The following BCL2L2 variants were observed in gnomAD, a reference collection of about 807,000 sequenced individuals.
BCL2L2 encodes bcl-2-like protein 2.
A neutral mutation model predicts 14.6 loss-of-function variants in BCL2L2; 6 were observed. The observed-to-expected ratio is 0.41, with a 90% CI of 0.22 to 0.81. BCL2L2 has a LOEUF of 0.81. BCL2L2 is among the 30% of genes least tolerant of loss of function. The pLI is 0.32. For missense variants in BCL2L2, 191 were observed against 260.5 expected (o/e 0.73, Z 1.84); for synonymous variants, 90 against 108.5 (o/e 0.83, Z 1.06).
chr14:23,311,498 C>T lies in BCL2L2; in HGVS notation c.*2533C>T, dbSNP rs1050241548. The T allele has an allele frequency of 6.0e-6, 6 of 1,004,420 alleles. No homozygotes were observed. In the South Asian group the frequency reaches 1.3e-4, roughly 21 times the overall value. 62.2% of individuals were successfully genotyped at this position (1,004,420 alleles called of 1,614,324 possible). A position where few individuals can be genotyped will look rare whatever the true frequency, so the allele number is the denominator to read the frequency against. ...AGGAAGGAGCGGAAGTAGGGCAACT[C>T]GGTCCTGCGATTATTAATCCCACTC... is the stretch of plus-strand genomic sequence containing the variant. On this transcript the variant is annotated 3_prime_UTR_variant, in exon 4 of 4. Coordinates refer to ENST00000250405, the MANE Select transcript of BCL2L2 (RefSeq NM_004050.5).
chr14:23,310,219 AG>A lies in BCL2L2; in HGVS notation c.*1256del. On this transcript the variant is annotated 3_prime_UTR_variant, in exon 4 of 4. Transcript: ENST00000250405. The stretch of plus-strand genomic sequence containing the variant: ...TTACTTGTCTGTACCTCAGAGTCTG[AG>A]GATGTTAACTTTGGAACTCGCAGTC... The A allele has an allele frequency of 1.0e-6, 1 of 985,912 alleles. No individual in the cohort carries two copies. Among genetic ancestry groups the A allele is most frequent in the Non-Finnish European group, 1.2e-6 (1 of 829,990 alleles). 61.1% of individuals were successfully genotyped at this position (985,912 alleles called of 1,614,324 possible).
chr14:23,309,829 C>T lies in BCL2L2; in HGVS notation c.*864C>T, dbSNP rs1025535169. 3 of 985,374 alleles carry T rather than the reference C, an allele frequency of 3.0e-6. No individual in the cohort carries two copies. The Admixed American group carries it at 1.8e-4, about 61-fold the overall frequency. The allele number at this position is 985,374 out of a possible 1,614,324, so 61.0% of individuals were successfully genotyped here. A position where few individuals can be genotyped will look rare whatever the true frequency, so the allele number is the denominator to read the frequency against. ...TAGGTAGCCGGACCTGCCTGCCACC[C>T]TCCTCTCCCACTCAGGCACAATGGT... On this transcript the variant is annotated 3_prime_UTR_variant, in exon 4 of 4. Coordinates refer to ENST00000250405, the MANE Select transcript of BCL2L2 (RefSeq NM_004050.5).
In BCL2L2 at chr14:23,311,042, T is replaced by G. The variant is rs1196177621; in HGVS notation, c.*2077T>G. On this transcript the variant is annotated 3_prime_UTR_variant, in exon 4 of 4. Coordinates refer to ENST00000250405, the MANE Select transcript of BCL2L2 (RefSeq NM_004050.5). ...ATCCCTGTTAGCATTCCCCGGGACCTTTAGCCAAGAGGAGCTGCAGGGACC... is the reference window on the plus strand; with the variant it reads ...ATCCCTGTTAGCATTCCCCGGGACCGTTAGCCAAGAGGAGCTGCAGGGACC... 7.8e-7 allele frequency: 1 copy of G among 1,289,482 alleles called. No homozygotes were observed. The allele number at this position is 1,289,482 out of a possible 1,614,324, so 79.9% of individuals were successfully genotyped here.
In BCL2L2 at chr14:23,311,465, T is replaced by G; in HGVS notation, c.*2500T>G. 9.7e-7 allele frequency: 1 copy of G among 1,034,272 alleles called. No homozygotes were observed. The highest frequency in any genetic ancestry group is 3.4e-5 in the South Asian group (1 of 29,258). The allele number at this position is 1,034,272 out of a possible 1,614,324, so 64.1% of individuals were successfully genotyped here. On this transcript the variant is annotated 3_prime_UTR_variant, in exon 4 of 4. Transcript: ENST00000250405. ...CCAAAGGGACAAATAGGGACTTTGTTTAGGCCAAGGAAGGAGCGGAAGTAG... is the reference window on the plus strand; with the variant it reads ...CCAAAGGGACAAATAGGGACTTTGTGTAGGCCAAGGAAGGAGCGGAAGTAG...
Position 23,307,939 on chromosome 14 carries a change from C to T in BCL2L2, c.172C>T (p.Arg58Trp), listed in dbSNP as rs772303364. Residue 58 changes from arginine (R) to tryptophan (W), a missense_variant, in exon 3 of 4, where the codon CGG becomes TGG. By Grantham distance (101) the Arg-to-Trp change is moderately radical (BLOSUM62 -3). Transcript: ENST00000250405. The part of the protein sequence containing the change: ...AAGDEFETRF[R>W]RTFSDLAAQL... ...TGGAGATGAGTTCGAGACCCGCTTC[C>T]GGCGCACCTTCTCTGATCTGGCGGC... The T allele has an allele frequency of 4.3e-6, 7 of 1,613,768 alleles. No homozygotes were observed. The highest frequency in any genetic ancestry group is 1.3e-5 in the African/African-American group (1 of 74,916).
Position 23,308,010 on chromosome 14 carries a change from G to A in BCL2L2, c.243G>A (p.Gln81=), listed in dbSNP as rs1231284742. The part of the protein sequence containing the change: ...TPGSAQQRFT[Q]VSDELFQGGP... Reference sequence around the variant, plus strand: ...GCTCAGCCCAACAACGCTTCACCCAGGTCTCCGATGAACTTTTTCAAGGGG... The same window carrying A: ...GCTCAGCCCAACAACGCTTCACCCAAGTCTCCGATGAACTTTTTCAAGGGG... Residue 81 remains glutamine (Q), a synonymous_variant, in exon 3 of 4, where the codon CAG becomes CAA. Coordinates refer to ENST00000250405, the MANE Select transcript of BCL2L2 (RefSeq NM_004050.5). The surrounding 1 kb of genome is among the most constrained non-coding windows in gnomAD (Gnocchi z 5.4). 5.0e-6 allele frequency: 8 copies of A among 1,614,164 alleles called. No individual in the cohort carries two copies. The highest frequency in any genetic ancestry group is 6.8e-6 in the Non-Finnish European group (8 of 1,180,040).
rs1306863463 is a variant in BCL2L2, at chr14:23,310,797, G to A, written c.*1832G>A. ...CTTGGGGAGATGAAGGGGGTGGGGA[G>A]CTGAGCAGGCTGGGCAATTTGCCCT... On this transcript the variant is annotated 3_prime_UTR_variant, in exon 4 of 4. Transcript: ENST00000250405. 8.3e-7 allele frequency: 1 copy of A among 1,197,686 alleles called. No homozygotes were observed. 74.2% of individuals were successfully genotyped at this position (1,197,686 alleles called of 1,614,324 possible).
Position 23,309,193 on chromosome 14 carries a change from A to C in BCL2L2, c.*228A>C. On this transcript the variant is annotated 3_prime_UTR_variant, in exon 4 of 4. Coordinates refer to ENST00000250405, the MANE Select transcript of BCL2L2 (RefSeq NM_004050.5). ...TTTGGCAAGTTTAGGGGCACAGGAG[A>C]TGTAGTCGTTCCAGGGCTGGGGGAG... 1.3e-6 allele frequency: 1 copy of C among 777,958 alleles called. No homozygotes were observed. Among genetic ancestry groups the C allele is most frequent in the Non-Finnish European group, 1.6e-6 (1 of 644,446 alleles). The allele number at this position is 777,958 out of a possible 1,614,324, so 48.2% of individuals were successfully genotyped here.
chr14:23,308,300 G>T lies in BCL2L2; in HGVS notation c.432+101G>T, dbSNP rs1057070235. 2.4e-5 allele frequency: 35 copies of T among 1,437,884 alleles called. No individual in the cohort carries two copies. The highest frequency in any genetic ancestry group is 3.2e-5 in the Non-Finnish European group (35 of 1,095,172). 89.1% of individuals were successfully genotyped at this position (1,437,884 alleles called of 1,614,324 possible). A position where few individuals can be genotyped will look rare whatever the true frequency, so the allele number is the denominator to read the frequency against. ...TTGGAGGCTGAGGCAGCTATGTTGG[G>T]AATGAGGTACGGGGCTGAGTCTCCC... On this transcript the variant is annotated intron_variant, in intron 3 of 3. Transcript: ENST00000250405. This position sits in a 1 kb window ranked among gnomAD's most constrained non-coding sequence, Gnocchi z 5.4.
chr14:23,311,102 CT>C lies in BCL2L2; in HGVS notation c.*2139del, dbSNP rs1435478523. 3.1e-6 allele frequency: 4 copies of C among 1,289,056 alleles called. No individual in the cohort carries two copies. The highest frequency in any genetic ancestry group is 1.0e-6 in the Non-Finnish European group (1 of 988,660). The allele number at this position is 1,289,056 out of a possible 1,614,324, so 79.9% of individuals were successfully genotyped here. A position where few individuals can be genotyped will look rare whatever the true frequency, so the allele number is the denominator to read the frequency against. On this transcript the variant is annotated 3_prime_UTR_variant, in exon 4 of 4. Coordinates refer to ENST00000250405, the MANE Select transcript of BCL2L2 (RefSeq NM_004050.5). ...TTACCAAAATGCCCTGCTCTGAAGC[CT>C]TGACACCTGGGTGGAAAGAGAGGCT...
chr14:23,310,799 TG>T lies in BCL2L2; in HGVS notation c.*1835del. On this transcript the variant is annotated 3_prime_UTR_variant, in exon 4 of 4. Coordinates refer to ENST00000250405, the MANE Select transcript of BCL2L2 (RefSeq NM_004050.5). ...TGGGGAGATGAAGGGGGTGGGGAGC[TG>T]AGCAGGCTGGGCAATTTGCCCTCAA... 8.3e-7 allele frequency: 1 copy of T among 1,199,206 alleles called. No homozygotes were observed. The highest frequency in any genetic ancestry group is 1.6e-5 in the African/African-American group (1 of 62,968). The allele number at this position is 1,199,206 out of a possible 1,614,324, so 74.3% of individuals were successfully genotyped here. A position where few individuals can be genotyped will look rare whatever the true frequency, so the allele number is the denominator to read the frequency against.
chr14:23,311,321 G>C lies in BCL2L2; in HGVS notation c.*2356G>C. 1.8e-6 allele frequency: 2 copies of C among 1,097,716 alleles called. No homozygotes were observed. Among genetic ancestry groups the C allele is most frequent in the Non-Finnish European group, 2.2e-6 (2 of 897,172 alleles). The allele number at this position is 1,097,716 out of a possible 1,614,324, so 68.0% of individuals were successfully genotyped here. A position where few individuals can be genotyped will look rare whatever the true frequency, so the allele number is the denominator to read the frequency against. On this transcript the variant is annotated 3_prime_UTR_variant, in exon 4 of 4. Coordinates refer to ENST00000250405, the MANE Select transcript of BCL2L2 (RefSeq NM_004050.5). ...TTGGGATTAGCTCTTGGCCAAGAAG[G>C]CTGAGTATGGTTCCCAATTTTTAAA... is the stretch of plus-strand genomic sequence containing the variant.
Position 23,309,093 on chromosome 14 carries a change from G to T in BCL2L2, c.*128G>T. On this transcript the variant is annotated 3_prime_UTR_variant, in exon 4 of 4. Coordinates refer to ENST00000250405, the MANE Select transcript of BCL2L2 (RefSeq NM_004050.5). The stretch of plus-strand genomic sequence containing the variant: ...ATGGAACAGGATGGGCAGAGAAAGG[G>T]TAGTGTGTGAGGGAGCTGAGTAGGC... 4.0e-6 allele frequency: 5 copies of T among 1,256,418 alleles called. No homozygotes were observed. The highest frequency in any genetic ancestry group is 5.0e-6 in the Non-Finnish European group (5 of 993,674). 77.8% of individuals were successfully genotyped at this position (1,256,418 alleles called of 1,614,324 possible).
Position 23,307,744 on chromosome 14 carries a change from T to A in BCL2L2, c.-8-16T>A. ...TTCATATATTCATGCCAGTCTTTCA[T>A]CCTTGCCTCTTATAGCCGCCCGGAT... On this transcript the variant is annotated splice_polypyrimidine_tract_variant and intron_variant, in intron 2 of 3. Transcript: ENST00000250405. 6.6e-7 allele frequency: 1 copy of A among 1,518,048 alleles called. No homozygotes were observed. 94.0% of individuals were successfully genotyped at this position (1,518,048 alleles called of 1,614,324 possible).
Position 23,308,682 on chromosome 14 carries a change from C to A in BCL2L2, c.433-134C>A. Reference sequence around the variant, plus strand: ...GGCTTGCAGGGAGAAGAGCTTTGGCCAGAGAGGAGCTGGGTATGGGGTAGT... The same window carrying A: ...GGCTTGCAGGGAGAAGAGCTTTGGCAAGAGAGGAGCTGGGTATGGGGTAGT... On this transcript the variant is annotated intron_variant, in intron 3 of 3. Coordinates refer to ENST00000250405, the MANE Select transcript of BCL2L2 (RefSeq NM_004050.5). This position sits in a 1 kb window ranked among gnomAD's most constrained non-coding sequence, Gnocchi z 5.4. The A allele has an allele frequency of 1.4e-6, 1 of 711,330 alleles. No homozygotes were observed. The allele number at this position is 711,330 out of a possible 1,614,324, so 44.1% of individuals were successfully genotyped here.
Position 23,307,934 on chromosome 14 carries a change from G to A in BCL2L2, c.167G>A (p.Arg56His), listed in dbSNP as rs746136637. The A allele has an allele frequency of 2.5e-6, 4 of 1,613,836 alleles. No individual in the cohort carries two copies. The highest frequency in any genetic ancestry group is 1.1e-5 in the South Asian group (1 of 91,076). Reference sequence around the variant, plus strand: ...GCAGCTGGAGATGAGTTCGAGACCCGCTTCCGGCGCACCTTCTCTGATCTG... The same window carrying A: ...GCAGCTGGAGATGAGTTCGAGACCCACTTCCGGCGCACCTTCTCTGATCTG... Reference protein sequence around the residue: ...MRAAGDEFETRFRRTFSDLAA... With the variant: ...MRAAGDEFETHFRRTFSDLAA... The change falls in exon 3 of 4, where the codon CGC becomes CAC. Residue 56 changes from arginine (R) to histidine (H), a missense_variant. Transcript: ENST00000250405.
rs1887361932 is a variant in BCL2L2, at chr14:23,308,060, C to G, written c.293C>G (p.Ala98Gly). The change falls in exon 3 of 4, where the codon GCC becomes GGC. Residue 98 changes from alanine (A) to glycine (G), a missense_variant. Coordinates refer to ENST00000250405, the MANE Select transcript of BCL2L2 (RefSeq NM_004050.5). This position sits in a 1 kb window ranked among gnomAD's most constrained non-coding sequence, Gnocchi z 5.4. Reference protein sequence around the residue: ...QGGPNWGRLVAFFVFGAALCA... With the variant: ...QGGPNWGRLVGFFVFGAALCA... ...GGCCCCAACTGGGGCCGCCTTGTAG[C>G]CTTCTTTGTCTTTGGGGCTGCACTG... The G allele has an allele frequency of 1.9e-6, 3 of 1,614,042 alleles. No individual in the cohort carries two copies. Among genetic ancestry groups the G allele is most frequent in the Non-Finnish European group, 2.5e-6 (3 of 1,180,036 alleles).
In BCL2L2 at chr14:23,309,319, T is replaced by G; in HGVS notation, c.*354T>G. ...ACTTACATAAGCAGCTGTATTCCAT[T>G]AGATGAGTGGGATTTAGGGAACGCA... On this transcript the variant is annotated 3_prime_UTR_variant, in exon 4 of 4. Transcript: ENST00000250405. 9.4e-7 allele frequency: 1 copy of G among 1,062,308 alleles called. No individual in the cohort carries two copies. Among genetic ancestry groups the G allele is most frequent in the Non-Finnish European group, 1.1e-6 (1 of 879,862 alleles). The allele number at this position is 1,062,308 out of a possible 1,614,324, so 65.8% of individuals were successfully genotyped here. A position where few individuals can be genotyped will look rare whatever the true frequency, so the allele number is the denominator to read the frequency against.
chr14:23,311,192 G>C lies in BCL2L2; in HGVS notation c.*2227G>C. On this transcript the variant is annotated 3_prime_UTR_variant, in exon 4 of 4. Transcript: ENST00000250405. ...GAAGCATAGCTTAGATGGGACCACAGTGGGCAATTTTGACCTGTCCTGCCC... is the reference window on the plus strand; with the variant it reads ...GAAGCATAGCTTAGATGGGACCACACTGGGCAATTTTGACCTGTCCTGCCC... The C allele has an allele frequency of 7.9e-7, 1 of 1,266,506 alleles. No homozygotes were observed. Among genetic ancestry groups the C allele is most frequent in the Non-Finnish European group, 1.0e-6 (1 of 983,424 alleles). 78.5% of individuals were successfully genotyped at this position (1,266,506 alleles called of 1,614,324 possible).
Sources: gnomAD v4.1 joint callset for allele counts on GRCh38, gnomAD v4.1.1 for gene constraint, Gnocchi (gnomAD v3.1) non-coding constraint, MANE v1.5 for transcripts, NCBI Gene and HGNC (gene_info 2026-07-23, HGNC 2026-07-21) for gene names.